Variants in DET1 observed in about 807,000 individuals in gnomAD.
The protein encoded by DET1 is DET1 homolog.
Under a neutral mutation model 43.7 loss-of-function variants are expected in DET1, and 22 were observed. The observed-to-expected ratio is 0.50, with a 90% confidence interval of 0.36 to 0.72. The LOEUF (loss-of-function observed/expected upper bound fraction) is 0.72. DET1 is among the 30% of genes least tolerant of loss of function. The pLI is 0.00. For synonymous variants in DET1, 315 were observed against 266.2 expected (o/e 1.18, Z -1.79); for missense variants, 713 against 713.3 (o/e 1.00, Z 0.00).
downstream of DET1, among the ~76,000 whole-genome samples, chr15:88,510,563 TTAA>T (rs1193883090): frequency 6.6e-6 from 1 of 152,198 alleles, no homozygotes; most frequent in Non-Finnish European, 1.5e-5. Flanking sequence ...AGTATCTGAC[TTAA>T]TAATGGCTCA....
At chr15:88,523,856 G>T (rs556649291) in intron 3 of DET1, among the ~76,000 whole-genome samples, 8 of 152,094 alleles carry the variant, frequency 5.3e-5, no homozygotes, top group Non-Finnish European at 1.5e-5. Flanking sequence ...CTGCCCGGCC[G>T]CCACCCCGTC....
In DET1 at chr15:88,531,696, G is replaced by C. The variant is rs775160112; in HGVS notation, c.10C>G (p.His4Asp). The change falls in exon 2 of 5, where the codon CAT becomes GAT. Residue 4 changes from histidine (H) to aspartate (D), a missense_variant. Physicochemically the swap from His to Asp is moderately conservative, Grantham distance 81. Transcript: ENST00000268148. The surrounding 1 kb of genome is among the most constrained non-coding windows in gnomAD (Gnocchi z 6.2). ...CTTCGAGGCTTGATGGTAGAAACAT[G>C]ATGATCCATTATCACATCTCTAAAC... The part of the protein sequence containing the change: MDH[H>D]VSTIKPRRIQ... The C allele has an allele frequency of 1.2e-6, 2 of 1,606,954 alleles. No individual in the cohort carries two copies. The highest frequency in any genetic ancestry group is 8.5e-7 in the Non-Finnish European group (1 of 1,174,184).
chr15:88,544,270 AC>A (rs1598354934), intron 1 of DET1, among the ~76,000 whole-genome samples: 1 of 152,314 alleles, frequency 6.6e-6, no homozygotes, highest in East Asian at 1.9e-4. Context: ...AGACACTCTT[AC>A]AAAATTAATT....
intron 1 of DET1, among the ~76,000 whole-genome samples, chr15:88,536,941 A>T (rs1378774111): frequency 1.3e-5 from 2 of 152,130 alleles, no homozygotes; most frequent in Non-Finnish European, 2.9e-5. Context: ...AAAGACTGGA[A>T]AGCAGGGGAG....
chr15:88,513,232 C>T, intron 4 of DET1, 92 bp from the exon 5 acceptor site: 1 of 1,329,482 alleles, frequency 7.5e-7, no homozygotes, highest in Non-Finnish European at 1.0e-6. Context: ...AATGTGGCAA[C>T]TCATTATTTT....
Position 88,513,042 on chromosome 15 carries a change from G to A in DET1, c.1562C>T (p.Thr521Ile). 1 of 1,614,096 alleles carries A rather than the reference G, an allele frequency of 6.2e-7. No individual in the cohort carries two copies. The highest frequency in any genetic ancestry group is 8.5e-7 in the Non-Finnish European group (1 of 1,179,910). The change falls in exon 5 of 5, where the codon ACC becomes ATC. Residue 521 changes from threonine to isoleucine, a missense_variant. Transcript: ENST00000268148. ...NHTVRRLVAF[T>I]FHPFEPFAIS... ...AGCGAAAGGCTCAAAAGGGTGAAAG[G>A]TGAAGGCAACAAGGCGTCGCACTGT...
intron 1 of DET1, among the ~76,000 whole-genome samples, chr15:88,533,979 G>C (rs1384058583): frequency 6.6e-6 from 1 of 151,294 alleles, no homozygotes; most frequent in East Asian, 1.9e-4. Flanking sequence ...GAAAGAGAAG[G>C]TGCTGTTGAA....
At chr15:88,503,617 T>C (rs186816708) in intron 8 of DET1, 145 of 152,350 alleles carry the variant, frequency 9.5e-4, no homozygotes, top group African/African-American at 3.4e-3. Context: ...TTTCAGAGGA[T>C]GCCATATTGC....
At chr15:88,535,317 T>C (rs1298298760) in intron 1 of DET1, among the ~76,000 whole-genome samples, 1 of 151,020 alleles carries the variant, frequency 6.6e-6, no homozygotes, top group African/African-American at 2.4e-5. Context: ...TAGTATACAT[T>C]ACCCAATGTG....
chr15:88,516,861 C>G lies in DET1; in HGVS notation c.1384G>C (p.Asp462His). The change falls in exon 4 of 5, where the codon GAT (aspartate) becomes CAT (histidine). Residue 462 changes from aspartate (D) to histidine (H), a missense_variant. By Grantham distance (81) the Asp-to-His change is moderately conservative (BLOSUM62 -1). Transcript: ENST00000268148. This position sits in a 1 kb window ranked among gnomAD's most constrained non-coding sequence, Gnocchi z 4.4. ...AQSYSGSPYL[D>H]LSLFSYDDKW... ...TCATCATAACTGAAGAGAGACAAATCCAGATAGGGGCTACCGCTGTAAGAC... is the reference window on the plus strand; with the variant it reads ...TCATCATAACTGAAGAGAGACAAATGCAGATAGGGGCTACCGCTGTAAGAC... 6.2e-7 allele frequency: 1 copy of G among 1,610,838 alleles called. No homozygotes were observed. The highest frequency in any genetic ancestry group is 8.5e-7 in the Non-Finnish European group (1 of 1,178,668).
intron 3 of DET1, among the ~76,000 whole-genome samples, chr15:88,520,536 T>G (rs968288716): frequency 1.3e-5 from 2 of 152,210 alleles, no homozygotes; most frequent in Non-Finnish European, 2.9e-5. Flanking sequence ...ACTTTTGATC[T>G]TCTCCCCTAA....
At chr15:88,536,589 C>A (rs1404029832) in intron 1 of DET1, among the ~76,000 whole-genome samples, 1 of 151,684 alleles carries the variant, frequency 6.6e-6, no homozygotes, top group Non-Finnish European at 1.5e-5. Flanking sequence ...ACCAGCCTGG[C>A]CAACATAGTG....
intron 4 of DET1, among the ~76,000 whole-genome samples, chr15:88,514,925 G>T (rs1337219638): frequency 6.6e-6 from 1 of 152,102 alleles, no homozygotes; most frequent in Non-Finnish European, 1.5e-5. Context: ...AGGTAGGAAA[G>T]TCAGAAAGGA....
At chr15:88,515,525 A>C (rs528784784) in intron 4 of DET1, among the ~76,000 whole-genome samples, 1 of 118,666 alleles carries the variant, frequency 8.4e-6, no homozygotes. Flanking sequence ...GGCAACAGAC[A>C]GAGACTCCGT....
At chr15:88,515,518 A>G (rs1306819707) in intron 4 of DET1, among the ~76,000 whole-genome samples, 1 of 141,014 alleles carries the variant, frequency 7.1e-6, no homozygotes. Context: ...GAGCCTGGGC[A>G]ACAGACAGAG....
In DET1 at chr15:88,527,732, C is replaced by T; in HGVS notation, c.1138G>A (p.Glu380Lys). Residue 380 changes from glutamate to lysine, a missense_variant, in exon 3 of 5, where the codon GAG becomes AAG. Glu to Lys is a moderately conservative substitution (Grantham distance 56). Transcript: ENST00000268148. ...TCCAAAAGCTCATCTGATGTATTCT[C>T]AAACACAGCAATCACCTCTGTCGTC... Reference protein sequence around the residue: ...MVTTEVIAVFENTSDELLELF... With the variant: ...MVTTEVIAVFKNTSDELLELF... 1 of 1,613,576 alleles carries T rather than the reference C, an allele frequency of 6.2e-7. No homozygotes were observed. Among genetic ancestry groups the T allele is most frequent in the Non-Finnish European group, 8.5e-7 (1 of 1,179,720 alleles).
chr15:88,539,181 G>A (rs1178283091), intron 1 of DET1, among the ~76,000 whole-genome samples: 1 of 151,954 alleles, frequency 6.6e-6, no homozygotes, highest in African/African-American at 2.4e-5. Context: ...TAAACTCTGT[G>A]AATGGTGAGT....
In DET1 at chr15:88,530,875, C is replaced by T. The variant is rs2056792672; in HGVS notation, c.831G>A (p.Arg277=). The T allele has an allele frequency of 6.2e-7, 1 of 1,613,882 alleles. No homozygotes were observed. Among genetic ancestry groups the T allele is most frequent in the Admixed American group, 1.7e-5 (1 of 60,010 alleles). The stretch of plus-strand genomic sequence containing the variant: ...GATTGGCCATGCCTGTCTGACTGTC[C>T]CGCTGTACCTCAGGGAAAACAGCTG... The part of the protein sequence containing the change: ...TVSAVFPEVQ[R]DSQTGMANPF... The change falls in exon 2 of 5, where the codon CGG becomes CGA. Residue 277 remains arginine, a synonymous_variant. Transcript: ENST00000268148.
chr15:88,530,645 A>G lies in DET1; in HGVS notation c.1061T>C (p.Leu354Pro). 3 of 1,610,024 alleles carry G rather than the reference A, an allele frequency of 1.9e-6. No individual in the cohort carries two copies. The highest frequency in any genetic ancestry group is 2.2e-5 in the South Asian group (2 of 90,512). The change falls in exon 2 of 5, where the codon CTG (leucine) becomes CCG (proline). Residue 354 changes from leucine to proline, a missense_variant. Physicochemically the swap from Leu to Pro is moderately conservative, Grantham distance 98 (BLOSUM62 -3). Transcript: ENST00000268148. ...TACCTGTGATGGATCTGTGACTCGC[A>G]GTGTTACTACATCCTCACTAGTGTA... Reference protein sequence around the residue: ...IKYTSEDVVTLRVTDPSQASF... With the variant: ...IKYTSEDVVTPRVTDPSQASF...
Sources: allele counts gnomAD v4.1 joint callset (sites outside exome capture counted in the v4.1 genomes callset), GRCh38; gene constraint gnomAD v4.1.1; non-coding constraint Gnocchi (gnomAD v3.1); transcripts MANE v1.5; gene names NCBI Gene and HGNC (gene_info 2026-07-23, HGNC 2026-07-21).